MDM4: variants seen among roughly 807,000 people sequenced by gnomAD.
MDM4 encodes the protein protein Mdm4.
Under a neutral mutation model 60.2 loss-of-function variants are expected in MDM4, and 2 were observed. The ratio of observed to expected loss-of-function variants is 0.03; its 90% confidence interval spans 0.01 to 0.10. The LOEUF (loss-of-function observed/expected upper bound fraction) is 0.10. Ranked by LOEUF, MDM4 falls within the 10% of genes least tolerant of loss-of-function variation. MDM4 has a pLI of 1.00. For synonymous variants in MDM4, 202 were observed against 198.1 expected (o/e 1.02, Z -0.17); for missense variants, 447 against 577.5 (o/e 0.77, Z 2.32).
chr1:204,524,395 C>A (rs551300706), intron 1 of MDM4, among the ~76,000 whole-genome samples: 176 of 152,272 alleles, frequency 1.2e-3, no homozygotes, highest in Non-Finnish European at 2.1e-3. Flanking sequence ...TTACCCTTTC[C>A]CTGATGTGGC....
At chr1:204,540,831 G>A (rs1218513417) in intron 7 of MDM4, among the ~76,000 whole-genome samples, 1 of 152,174 alleles carries the variant, frequency 6.6e-6, no homozygotes, top group African/African-American at 2.4e-5. Context: ...TGGCGAAGAT[G>A]TGTAAAATCA....
At chr1:204,524,842 G>A (rs879748000) in intron 1 of MDM4, among the ~76,000 whole-genome samples, 3 of 152,160 alleles carry the variant, frequency 2.0e-5, no homozygotes, top group Non-Finnish European at 2.9e-5. Flanking sequence ...AGGATAAAAG[G>A]TAGGTGAAAG....
intron 4 of MDM4, 143 bp downstream of exon 4, chr1:204,530,960 A>G (rs1042169215): frequency 1.9e-6 from 2 of 1,048,992 alleles, no homozygotes; most frequent in Non-Finnish European, 2.8e-6. Flanking sequence ...CACTGAGAAT[A>G]TGGTAATGAG....
intron 3 of MDM4, 24 bp downstream of exon 3, chr1:204,526,458 AT>A (rs751338727): frequency 1.8e-5 from 25 of 1,414,918 alleles, no homozygotes; most frequent in African/African-American, 4.5e-5. Context: ...TAAAATTCTC[AT>A]TTTTTTTGTT....
chr1:204,543,021 T>C, intron 8 of MDM4, 77 bp downstream of exon 8: 1 of 1,215,308 alleles, frequency 8.2e-7, no homozygotes, highest in East Asian at 2.3e-5. Flanking sequence ...TGACCACACA[T>C]TATATTCTCT....
chr1:204,546,983 C>G, intron 10 of MDM4, 106 bp downstream of exon 10: 4 of 603,232 alleles, frequency 6.6e-6, no homozygotes, highest in Non-Finnish European at 1.1e-5. Context: ...TCATTTCTGT[C>G]TCCCTTGCCT....
rs1198162698 is a variant in MDM4, at chr1:204,539,543, T to TG, written c.511+1235_511+1236insG. ...TTTTTTTTTTTGTTTTGTTTTGTTT[T>TG]TTTTTTTTTGAGACAGGGTCTTGCT... On this transcript the variant is annotated intron_variant, in intron 7 of 10. Coordinates refer to ENST00000367182, the MANE Select transcript of MDM4 (RefSeq NM_002393.5). Among the ~76,000 whole-genome samples the TG allele has an allele frequency of 1.9e-3, 289 of 150,982 alleles. 1 individual carries two copies. Among genetic ancestry groups the TG allele is most frequent in the African/African-American group, 6.6e-3 (272 of 41,260 alleles).
chr1:204,551,472 T>G lies in MDM4; in HGVS notation c.*1790T>G. 4 of 201,568 alleles carry G rather than the reference T, an allele frequency of 2.0e-5. No individual in the cohort carries two copies. The highest frequency in any genetic ancestry group is 2.9e-5 in the Non-Finnish European group (3 of 102,730). The allele number at this position is 201,568 out of a possible 1,614,324, so 12.5% of individuals were successfully genotyped here. A position where few individuals can be genotyped will look rare whatever the true frequency, so the allele number is the denominator to read the frequency against. On this transcript the variant is annotated 3_prime_UTR_variant, in exon 11 of 11. Transcript: ENST00000367182. ...TTGAGAGGCAGCCTCTTTTTTTTTT[T>G]TTTTTTTTTTTTTTTTTTGGAGGAT...
At position 204,557,737 on chromosome 1, in the gene MDM4, G is replaced by C. The variant is rs1026870457; in HGVS notation, c.*8055G>C. 5.4e-6 allele frequency: 1 copy of C among 184,014 alleles called. No individual in the cohort carries two copies. The highest frequency in any genetic ancestry group is 2.0e-4 in the South Asian group (1 of 5,094). The allele number at this position is 184,014 out of a possible 1,614,324, so 11.4% of individuals were successfully genotyped here. On this transcript the variant is annotated 3_prime_UTR_variant, in exon 11 of 11. Coordinates refer to ENST00000367182, the MANE Select transcript of MDM4 (RefSeq NM_002393.5). ...CTTTCTACATACACTTGAGTAGGTG[G>C]CATAAAATGCACTGTCAATATATAG...
chr1:204,545,492 C>T (rs184656305), intron 9 of MDM4, among the ~76,000 whole-genome samples: 56 of 152,054 alleles, frequency 3.7e-4, no homozygotes, highest in African/African-American at 1.2e-3. Context: ...AAACATCCAT[C>T]GGATAAATAC....
intron 5 of MDM4, chr1:204,536,967 A>G: frequency 2.6e-6 from 1 of 389,514 alleles, no homozygotes; most frequent in Non-Finnish European, 4.9e-6. Flanking sequence ...AAACGGGGAA[A>G]AATCCAGATT....
At chr1:204,518,773 C>T (rs1659253110) in intron 1 of MDM4, among the ~76,000 whole-genome samples, 1 of 152,222 alleles carries the variant, frequency 6.6e-6, no homozygotes, top group South Asian at 2.1e-4. Flanking sequence ...TCAAGCTATT[C>T]TTCTGCCGCA....
At position 204,534,918 on chromosome 1, in the gene MDM4, A is replaced by G. The variant is rs1237384853; in HGVS notation, c.344-2512A>G. On this transcript the variant is annotated intron_variant, in intron 5 of 10. Coordinates refer to ENST00000367182, the MANE Select transcript of MDM4 (RefSeq NM_002393.5). ...AAATGGTAACATCTTACATAATAAT[A>G]GTATGATGATCAAAACCAGAAAATT... Among the ~76,000 whole-genome samples, 4 of 152,166 alleles carry G rather than the reference A, an allele frequency of 2.6e-5. No individual in the cohort carries two copies. The South Asian group carries it at 6.2e-4, about 24-fold the overall frequency.
Position 204,540,498 on chromosome 1 carries a change from C to T in MDM4, c.511+2190C>T, listed in dbSNP as rs1333247853. Among the ~76,000 whole-genome samples, 7 of 152,174 alleles carry T rather than the reference C, an allele frequency of 4.6e-5. No homozygotes were observed. The South Asian group carries it at 6.2e-4, about 14-fold the overall frequency. On this transcript the variant is annotated intron_variant, in intron 7 of 10. Transcript: ENST00000367182. ...ACTTTCTAGGCTGGGCATGGTGGCT[C>T]ATGCTTGTAATCCTAGCACTTTGGG...
At position 204,554,795 on chromosome 1, in the gene MDM4, T is replaced by A. The variant is rs188558771; in HGVS notation, c.*5113T>A. 4.2e-4 allele frequency: 96 copies of A among 226,476 alleles called. No individual in the cohort carries two copies. Among genetic ancestry groups the A allele is most frequent in the Non-Finnish European group, 7.5e-4 (85 of 113,864 alleles). The allele number at this position is 226,476 out of a possible 1,614,324, so 14.0% of individuals were successfully genotyped here. A position where few individuals can be genotyped will look rare whatever the true frequency, so the allele number is the denominator to read the frequency against. Reference sequence around the variant, plus strand: ...TTCATTCTGCTTGCCATTGCTATATTCTCCCTTTATAGGAGCCATTGGATT... The same window carrying A: ...TTCATTCTGCTTGCCATTGCTATATACTCCCTTTATAGGAGCCATTGGATT... On this transcript the variant is annotated 3_prime_UTR_variant, in exon 11 of 11. Coordinates refer to ENST00000367182, the MANE Select transcript of MDM4 (RefSeq NM_002393.5).
At chr1:204,545,892 C>T (rs531230814) in intron 9 of MDM4, among the ~76,000 whole-genome samples, 1 of 152,070 alleles carries the variant, frequency 6.6e-6, no homozygotes, top group South Asian at 2.1e-4. Flanking sequence ...GGTTGCTGTA[C>T]AGAGGTTCAT....
At chr1:204,530,544 G>C in intron 3 of MDM4, 140 bp from the exon 4 acceptor site, 2 of 1,037,288 alleles carry the variant, frequency 1.9e-6, no homozygotes, top group East Asian at 4.9e-5. Flanking sequence ...CCTGTTGTAG[G>C]ACCCCTTACA....
In MDM4 at chr1:204,557,913, A is replaced by ATAG. The variant is rs1663637084; in HGVS notation, c.*8233_*8234insGTA. 7.5e-6 allele frequency: 1 copy of ATAG among 133,540 alleles called. No individual in the cohort carries two copies. Among genetic ancestry groups the ATAG allele is most frequent in the Admixed American group, 1.0e-4 (1 of 10,048 alleles). 8.3% of individuals were successfully genotyped at this position (133,540 alleles called of 1,614,324 possible). On this transcript the variant is annotated 3_prime_UTR_variant, in exon 11 of 11. Transcript: ENST00000367182. ...AAACTTCAGTCTTTCGCTAATAATA[A>ATAG]TAATAATAATAATAATAACAACAAC...
chr1:204,556,448 A>G lies in MDM4; in HGVS notation c.*6766A>G, dbSNP rs116236468. The G allele has an allele frequency of 6.9e-3, 1,560 of 224,994 alleles. 25 individuals are homozygous for G. Among genetic ancestry groups the G allele is most frequent in the African/African-American group, 0.032 (1,439 of 44,964 alleles). The allele number at this position is 224,994 out of a possible 1,614,324, so 13.9% of individuals were successfully genotyped here. The stretch of plus-strand genomic sequence containing the variant: ...CGCGGTGGTTCACTCCTGTTATTCC[A>G]GCACTGGGGTGGCCAAAGTGGGCAG... On this transcript the variant is annotated 3_prime_UTR_variant, in exon 11 of 11. Coordinates refer to ENST00000367182, the MANE Select transcript of MDM4 (RefSeq NM_002393.5).
Sources: gnomAD v4.1 joint callset for allele counts (sites outside exome capture counted in the v4.1 genomes callset) on GRCh38, gnomAD v4.1.1 for gene constraint, MANE v1.5 for transcripts, NCBI Gene and HGNC (gene_info 2026-07-23, HGNC 2026-07-21) for gene names.